Variants in CACNA1A observed in about 807,000 individuals in gnomAD.
The protein encoded by CACNA1A is calcium voltage-gated channel subunit alpha1 A.
In CACNA1A, 57 loss-of-function variants were observed where a neutral mutation model predicts 262.4. The ratio of observed to expected loss-of-function variants is 0.22; its 90% CI spans 0.18 to 0.27. The LOEUF is 0.27. Ranked by LOEUF, CACNA1A falls within the 10% of genes least tolerant of loss-of-function variation. CACNA1A has a pLI of 1.00. For missense variants in CACNA1A, 2,526 were observed against 3,562.8 expected (o/e 0.71, Z 7.41); for synonymous variants, 1,431 against 1,419.3 (o/e 1.01, Z -0.18).
intron 3 of CACNA1A, among the ~76,000 whole-genome samples, chr19:13,428,483 C>T (rs73922400): frequency 0.024 from 3,722 of 152,212 alleles, 139 homozygotes; most frequent in African/African-American, 0.083. Context: ...TTTTTACCTG[C>T]CAATATCCCC....
At chr19:13,343,692 C>T (rs1006024336) in intron 6 of CACNA1A, among the ~76,000 whole-genome samples, 14 of 152,000 alleles carry the variant, frequency 9.2e-5, no homozygotes, top group African/African-American at 3.4e-4. Flanking sequence ...AGAAATGATG[C>T]AAATATATGG....
chr19:13,209,299 C>G lies in CACNA1A; in HGVS notation c.6526+13G>C. On this transcript the variant is annotated intron_variant, in intron 45 of 46. Transcript: ENST00000360228. ...CTGTTCTGCTTGTCCCTGAGCACCA[C>G]AGGGCTGCCCACCTGTGTCCACATC... The G allele has an allele frequency of 7.0e-7, 1 of 1,428,926 alleles. No homozygotes were observed. Among genetic ancestry groups the G allele is most frequent in the Non-Finnish European group, 9.2e-7 (1 of 1,089,156 alleles). The allele number at this position is 1,428,926 out of a possible 1,614,324, so 88.5% of individuals were successfully genotyped here.
chr19:13,326,783 T>C (rs1405450967), intron 10 of CACNA1A, among the ~76,000 whole-genome samples: 3 of 79,226 alleles, frequency 3.8e-5, no homozygotes, highest in East Asian at 5.1e-4. Flanking sequence ...AGCAAGACAC[T>C]GTCTCAAAAA....
chr19:13,433,526 T>A (rs79795258), intron 3 of CACNA1A, among the ~76,000 whole-genome samples: 1,861 of 146,842 alleles, frequency 0.013, 33 homozygotes, highest in African/African-American at 0.044. Context: ...GGAAACTGGT[T>A]TGCACCCAGA....
chr19:13,255,225 G>A lies in CACNA1A; in HGVS notation c.4625C>T (p.Pro1542Leu), dbSNP rs773901223. The A allele has an allele frequency of 1.2e-6, 2 of 1,606,572 alleles. No individual in the cohort carries two copies. Among genetic ancestry groups the A allele is most frequent in the South Asian group, 1.1e-5 (1 of 90,914 alleles). The change falls in exon 29 of 47, where the codon CCG becomes CTG. Residue 1542 changes from proline (P) to leucine (L), a missense_variant. Pro to Leu is a moderately conservative substitution (Grantham distance 98). This residue lies in a region of CACNA1A where 36 missense variants were observed against 47.3 expected (regional missense o/e 0.76). Transcript: ENST00000360228. ...ACIDFAISAKPLTRHMPQNKQ... is the reference protein window; with the variant it reads ...ACIDFAISAKLLTRHMPQNKQ... The stretch of plus-strand genomic sequence containing the variant: ...GTTCTGCGGCATGTGTCGGGTCAGC[G>A]GCTTGGCGCTGATGGCGAAATCAAT...
At chr19:13,448,530 G>T (rs1024222315) in intron 3 of CACNA1A, among the ~76,000 whole-genome samples, 10 of 152,044 alleles carry the variant, frequency 6.6e-5, no homozygotes, top group African/African-American at 2.4e-4. Flanking sequence ...AACCACACAG[G>T]GATTTTTAAG....
chr19:13,242,430 G>A (rs1010144409), intron 31 of CACNA1A, among the ~76,000 whole-genome samples: 6 of 151,970 alleles, frequency 3.9e-5, no homozygotes, highest in African/African-American at 1.4e-4. Context: ...TGAGTAGCTG[G>A]GATTACAGGC....
intron 5 of CACNA1A, chr19:13,362,991 C>T (rs552042981): frequency 4.6e-5 from 7 of 152,214 alleles, no homozygotes; most frequent in African/African-American, 1.2e-4. Context: ...CTGAGGAATT[C>T]GGTTATAAAT....
At chr19:13,449,559 T>C (rs1429493865) in intron 3 of CACNA1A, among the ~76,000 whole-genome samples, 1 of 152,284 alleles carries the variant, frequency 6.6e-6, no homozygotes, top group East Asian at 1.9e-4. Flanking sequence ...AATCCTTCCA[T>C]CTTTGCCTCC....
Position 13,207,858 on chromosome 19 carries a change from CCTGCTGCTGCTGCTGCTGCTG to C in CACNA1A, c.6955_6975del (p.Gln2319_Gln2325del), listed in dbSNP as rs16054. On this transcript the variant is annotated inframe_deletion, in exon 47 of 47. Transcript: ENST00000360228. This position sits in a 1 kb window ranked among gnomAD's most constrained non-coding sequence, Gnocchi z 5.7. ...GCCGCCCGGCCCGGCCTGGCCACCG[CCTGCTGCTGCTGCTGCTGCTG>C]CTGCTGCTGCTGCTGCTGCGGGGGC... 251 of 1,430,526 alleles carry C rather than the reference CCTGCTGCTGCTGCTGCTGCTG, an allele frequency of 1.8e-4. No individual in the cohort carries two copies. The highest frequency in any genetic ancestry group is 7.4e-4 in the African/African-American group (48 of 65,124). 88.6% of individuals were successfully genotyped at this position (1,430,526 alleles called of 1,614,324 possible).
chr19:13,323,225 C>A (rs535674476), intron 10 of CACNA1A, among the ~76,000 whole-genome samples: 1 of 152,104 alleles, frequency 6.6e-6, no homozygotes, highest in Non-Finnish European at 1.5e-5. Flanking sequence ...CAACACTGCG[C>A]TCCAGCTTGG....
At chr19:13,324,295 T>C (rs1439135619) in intron 10 of CACNA1A, among the ~76,000 whole-genome samples, 1 of 152,048 alleles carries the variant, frequency 6.6e-6, no homozygotes, top group Admixed American at 6.5e-5. Flanking sequence ...GCAGTTAGAC[T>C]GGAGGAGTAA....
chr19:13,276,000 C>T (rs1174912317), intron 23 of CACNA1A, 44 bp from the exon 24 acceptor site: 2 of 1,374,216 alleles, frequency 1.5e-6, no homozygotes, highest in African/African-American at 1.4e-5. Flanking sequence ...CACCTGATCC[C>T]CACCCTGGGG....
chr19:13,235,956 A>T (rs1364605127), intron 31 of CACNA1A: 3 of 477,958 alleles, frequency 6.3e-6, no homozygotes, highest in Non-Finnish European at 1.1e-5. Flanking sequence ...AAAGGCATCA[A>T]CTCAAAAGCA....
At chr19:13,488,395 T>C (rs926644832) in intron 1 of CACNA1A, among the ~76,000 whole-genome samples, 21 of 123,318 alleles carry the variant, frequency 1.7e-4, no homozygotes, top group South Asian at 8.8e-4. Context: ...CTTTTCTTTT[T>C]TTTTTTTTTT....
intron 3 of CACNA1A, among the ~76,000 whole-genome samples, chr19:13,427,126 C>T (rs1470261432): frequency 2.0e-5 from 3 of 152,102 alleles, no homozygotes; most frequent in African/African-American, 4.8e-5. Flanking sequence ...TACACAGACA[C>T]AGGGAAAATG....
chr19:13,347,408 A>G (rs187927515), intron 6 of CACNA1A, among the ~76,000 whole-genome samples: 10 of 151,956 alleles, frequency 6.6e-5, no homozygotes, highest in African/African-American at 2.4e-4. Flanking sequence ...CATCTTGACA[A>G]TGCACAAACT....
chr19:13,461,425 G>C (rs946319715), intron 1 of CACNA1A, among the ~76,000 whole-genome samples: 3 of 152,176 alleles, frequency 2.0e-5, no homozygotes, highest in Non-Finnish European at 4.4e-5. Context: ...CATGGGTCCT[G>C]CTGCCTAGAA....
chr19:13,213,457 C>G (rs189184573), intron 40 of CACNA1A, among the ~76,000 whole-genome samples: 45 of 152,302 alleles, frequency 3.0e-4, no homozygotes, highest in Admixed American at 2.4e-3. Flanking sequence ...CACTTTCTTT[C>G]TCTTTGCTGG....
Sources: gnomAD v4.1 joint callset for allele counts (sites outside exome capture counted in the v4.1 genomes callset) on GRCh38, gnomAD v4.1.1 for gene constraint, gnomAD v4.1.1 regional missense constraint, Gnocchi (gnomAD v3.1) non-coding constraint, MANE v1.5 for transcripts, NCBI Gene and HGNC (gene_info 2026-07-23, HGNC 2026-07-21) for gene names.